The following TRPM3 variants were observed in gnomAD, a reference collection of about 807,000 sequenced individuals.
TRPM3 encodes long transient receptor potential channel 3.
In TRPM3, 77 loss-of-function variants were observed where a neutral mutation model predicts 181.2. The observed-to-expected ratio is 0.42, with a 90% CI of 0.35 to 0.51. The LOEUF is 0.51. Among genes scored for constraint, TRPM3 ranks in the 20% least tolerant of loss-of-function variants. The probability of loss-of-function intolerance (pLI) is 0.01; values close to 1 mark genes in which losing one functional copy is unlikely to be tolerated. For missense variants in TRPM3, 1,759 were observed against 2,196.7 expected (o/e 0.80, Z 3.98); for synonymous variants, 745 against 796.4 (o/e 0.94, Z 1.09).
At chr9:70,977,990 A>C (rs2097323642) in intron 1 of TRPM3, among the ~76,000 whole-genome samples, 2 of 152,146 alleles carry the variant, frequency 1.3e-5, no homozygotes, top group Non-Finnish European at 2.9e-5. Context: ...CTTAATCTCC[A>C]GCCCCTTTCC....
At chr9:71,403,864 A>T (rs921817021) in intron 1 of TRPM3, among the ~76,000 whole-genome samples, 10 of 149,082 alleles carry the variant, frequency 6.7e-5, no homozygotes, top group Non-Finnish European at 1.0e-4. Context: ...TTAAAAGGAG[A>T]ATTAAGAATC....
rs1202771809 is a variant in TRPM3 at position 70,532,425 on chromosome 9, C to T, written c.*3528G>A. 2.6e-5 allele frequency: 4 copies of T among 152,120 alleles called. No individual in the cohort carries two copies. The highest frequency in any genetic ancestry group is 2.9e-5 in the Non-Finnish European group (2 of 68,016). The allele number at this position is 152,120 out of a possible 1,614,324, so 9.4% of individuals were successfully genotyped here. On this transcript the variant is annotated 3_prime_UTR_variant, in exon 26 of 26. Coordinates refer to ENST00000677713, the MANE Select transcript of TRPM3 (RefSeq NM_001366145.2). The stretch of plus-strand genomic sequence containing the variant: ...CTAAATAATATCCTAGACCTGGAAA[C>T]TTATACATTTAAAAAATCCAGTTCT...
chr9:71,029,073 C>G (rs1239262856), intron 1 of TRPM3, among the ~76,000 whole-genome samples: 1 of 152,074 alleles, frequency 6.6e-6, no homozygotes, highest in African/African-American at 2.4e-5. Flanking sequence ...ATTATACCAA[C>G]CACTCTCAGA....
intron 8 of TRPM3, among the ~76,000 whole-genome samples, chr9:70,757,012 C>A (rs1216103844): frequency 1.4e-5 from 2 of 145,276 alleles, no homozygotes; most frequent in African/African-American, 4.9e-5. Context: ...GAGATAGAGA[C>A]ACGAAAAACA....
At chr9:70,672,599 G>A (rs1390677431) in intron 9 of TRPM3, among the ~76,000 whole-genome samples, 1 of 152,118 alleles carries the variant, frequency 6.6e-6, no homozygotes, top group Non-Finnish European at 1.5e-5. Flanking sequence ...TTCCACTGAT[G>A]CTCTAACAAT....
chr9:71,397,314 A>C (rs183926776), intron 1 of TRPM3, among the ~76,000 whole-genome samples: 2 of 152,256 alleles, frequency 1.3e-5, no homozygotes, highest in African/African-American at 4.8e-5. Flanking sequence ...TACTATTGTA[A>C]TATCTGTTTT....
chr9:70,916,744 A>T (rs548936894), intron 1 of TRPM3, among the ~76,000 whole-genome samples: 1 of 152,252 alleles, frequency 6.6e-6, no homozygotes, highest in Non-Finnish European at 1.5e-5. Context: ...GAAATAAGAA[A>T]GAAAATACAA....
At chr9:70,954,740 A>C (rs1374785008) in intron 1 of TRPM3, among the ~76,000 whole-genome samples, 1 of 152,166 alleles carries the variant, frequency 6.6e-6, no homozygotes, top group African/African-American at 2.4e-5. Flanking sequence ...GGTTTCGAAG[A>C]GCAACACTGC....
At chr9:71,332,739 T>C (rs1326597906) in intron 1 of TRPM3, among the ~76,000 whole-genome samples, 2 of 151,814 alleles carry the variant, frequency 1.3e-5, no homozygotes, top group Admixed American at 6.6e-5. Context: ...AAAAGATCAG[T>C]GCAATGCCAC....
At chr9:71,155,119 A>G (rs538361162) in intron 1 of TRPM3, among the ~76,000 whole-genome samples, 1 of 152,242 alleles carries the variant, frequency 6.6e-6, no homozygotes, top group South Asian at 2.1e-4. Context: ...GCACACCCCT[A>G]TTTGTACAAC....
intron 1 of TRPM3, among the ~76,000 whole-genome samples, chr9:71,385,869 T>C (rs956576991): frequency 6.6e-6 from 1 of 151,840 alleles, no homozygotes; most frequent in Admixed American, 6.6e-5. Flanking sequence ...CACACCTGGC[T>C]AATTTTTTTT....
At chr9:71,139,876 G>T (rs1015073702) in intron 1 of TRPM3, among the ~76,000 whole-genome samples, 2 of 152,104 alleles carry the variant, frequency 1.3e-5, no homozygotes, top group Non-Finnish European at 2.9e-5. Flanking sequence ...TATACAGTCT[G>T]GTCAATCAGG....
chr9:70,808,770 A>G (rs183337522), intron 6 of TRPM3, among the ~76,000 whole-genome samples: 1 of 152,330 alleles, frequency 6.6e-6, no homozygotes, highest in Admixed American at 6.5e-5. Context: ...TCTAAAGTGA[A>G]CTGATCATCA....
intron 1 of TRPM3, among the ~76,000 whole-genome samples, chr9:71,284,754 T>A (rs2085140751): frequency 1.3e-5 from 2 of 152,282 alleles, no homozygotes; most frequent in African/African-American, 4.8e-5. Context: ...TAAGATTTTA[T>A]AAGCTAAAGA....
intron 1 of TRPM3, among the ~76,000 whole-genome samples, chr9:70,906,838 G>T (rs1589686673): frequency 6.6e-6 from 1 of 152,166 alleles, no homozygotes; most frequent in East Asian, 1.9e-4. Context: ...GGGAGGCAGA[G>T]GTGGCAGTGA....
chr9:70,573,154 T>C (rs1029018483), intron 22 of TRPM3, among the ~76,000 whole-genome samples: 1 of 152,220 alleles, frequency 6.6e-6, no homozygotes, highest in African/African-American at 2.4e-5. Flanking sequence ...AGTGAAGTGG[T>C]CAGATGCTTA....
At chr9:70,957,911 C>CA (rs956603688) in intron 1 of TRPM3, among the ~76,000 whole-genome samples, 4 of 151,824 alleles carry the variant, frequency 2.6e-5, no homozygotes, top group Admixed American at 6.6e-5. Context: ...CAAACAAAAA[C>CA]AAAAAAAACT....
At chr9:71,086,925 T>TAG (rs1286554528) in intron 1 of TRPM3, among the ~76,000 whole-genome samples, 3 of 151,980 alleles carry the variant, frequency 2.0e-5, no homozygotes, top group Admixed American at 6.6e-5. Flanking sequence ...TGCCTTTCTC[T>TAG]AGTCCTGGCC....
At chr9:71,179,045 T>G (rs1036009590) in intron 1 of TRPM3, among the ~76,000 whole-genome samples, 1 of 152,172 alleles carries the variant, frequency 6.6e-6, no homozygotes, top group Non-Finnish European at 1.5e-5. Flanking sequence ...ATGATGAACT[T>G]GATTTATAGG....
Sources: gnomAD v4.1 joint callset for allele counts (sites outside exome capture counted in the v4.1 genomes callset) on GRCh38, gnomAD v4.1.1 for gene constraint, MANE v1.5 for transcripts, NCBI Gene and HGNC (gene_info 2026-07-23, HGNC 2026-07-21) for gene names.